PADI6: variants seen among roughly 807,000 people sequenced by gnomAD.
PADI6 encodes the protein peptidyl arginine deiminase 6.
In PADI6, 66 loss-of-function variants were observed where a neutral mutation model predicts 78.2. That is an observed-to-expected ratio of 0.84 (90% CI 0.69 to 1.04). The LOEUF is 1.04. PADI6 is among the 50% of genes least tolerant of loss of function. PADI6 has a pLI of 0.00. For missense variants in PADI6, 854 were observed against 866.1 expected, an observed-to-expected ratio of 0.99 and a Z score of 0.18; for synonymous variants, 397 against 346.9, an observed-to-expected ratio of 1.14 and a Z score of -1.60.
In PADI6 at chr1:17,373,243, A is replaced by G. The variant is rs1448716742; in HGVS notation, c.294+10A>G. 6.2e-7 allele frequency: 1 copy of G among 1,612,336 alleles called. No individual in the cohort carries two copies. The highest frequency in any genetic ancestry group is 8.5e-7 in the Non-Finnish European group (1 of 1,178,614). ...CGTGGATGCGGATAAGGTAAGCCTC[A>G]GGGGAAGAGGTGAGGGGCATCTCCC... On this transcript the variant is annotated intron_variant, in intron 2 of 15. Transcript: ENST00000619609.
intron 3 of PADI6, 62 bp from the exon 4 acceptor site, chr1:17,379,858 A>T: frequency 6.8e-7 from 1 of 1,481,114 alleles, no homozygotes; most frequent in Non-Finnish European, 9.4e-7. Context: ...GAGATAACCT[A>T]TAACTTTGAG....
intron 6 of PADI6, among the ~76,000 whole-genome samples, chr1:17,387,458 A>AGAG (rs2075131699): frequency 7.2e-6 from 1 of 138,292 alleles, no homozygotes; most frequent in East Asian, 2.2e-4. Flanking sequence ...AAAGAAAAGG[A>AGAG]GGGGGGGGGG....
chr1:17,392,153 G>C lies in PADI6; in HGVS notation c.1002G>C (p.Lys334Asn). 1 of 1,561,850 alleles carries C rather than the reference G, an allele frequency of 6.4e-7. No individual in the cohort carries two copies. The highest frequency in any genetic ancestry group is 1.2e-5 in the South Asian group (1 of 84,578). ...AGGGTTTTGTGGACACAGTGACGAA[G>C]CTGAGTGAGAAGAGCAACAGCCAGG... ...QLQGFVDTVT[K>N]LSEKSNSQVA... The change falls in exon 9 of 16, where the codon AAG (lysine) becomes AAC (asparagine). Residue 334 changes from lysine (K) to asparagine (N), a missense_variant. Coordinates refer to ENST00000619609, the MANE Select transcript of PADI6 (RefSeq NM_207421.4).
chr1:17,380,194 GTTTT>G (rs113168303), intron 4 of PADI6, among the ~76,000 whole-genome samples: 2 of 150,976 alleles, frequency 1.3e-5, no homozygotes, highest in Non-Finnish European at 3.0e-5. Flanking sequence ...GTATTTTTTT[GTTTT>G]TTTTTGTTTG....
intron 6 of PADI6, among the ~76,000 whole-genome samples, chr1:17,382,717 C>T (rs1002249928): frequency 6.6e-6 from 1 of 152,220 alleles, no homozygotes; most frequent in East Asian, 1.9e-4. Context: ...CTTGGCGTAC[C>T]TCTAAATCTC....
intron 3 of PADI6, among the ~76,000 whole-genome samples, chr1:17,378,383 C>T (rs978075406): frequency 2.6e-5 from 4 of 152,296 alleles, no homozygotes; most frequent in African/African-American, 9.6e-5. Context: ...ATCTGCTGGT[C>T]AGGTGCTGAT....
intron 11 of PADI6, among the ~76,000 whole-genome samples, chr1:17,394,674 C>T (rs1166215630): frequency 6.6e-6 from 1 of 151,992 alleles, no homozygotes; most frequent in Non-Finnish European, 1.5e-5. Context: ...AAATTTGGTC[C>T]ACCAGGATGT....
rs927886211 is a variant in PADI6, at chr1:17,391,751, G to A, written c.963-363G>A. 5.9e-5 allele frequency among the ~76,000 whole-genome samples: 9 copies of A among 152,358 alleles called. No individual in the cohort carries two copies. In the South Asian group the frequency reaches 1.2e-3, roughly 21 times the overall value. ...GACTCACTTGAACCCAGGAGGTGGA[G>A]GTTGCGGTGAGTCAGATCATGCCAC... On this transcript the variant is annotated intron_variant, in intron 8 of 15. Transcript: ENST00000619609.
intron 3 of PADI6, among the ~76,000 whole-genome samples, chr1:17,379,216 C>T (rs2075048893): frequency 6.8e-6 from 1 of 146,854 alleles, no homozygotes; most frequent in Non-Finnish European, 1.5e-5. Context: ...GGGGTTCACG[C>T]CATTCTCCTG....
intron 4 of PADI6, among the ~76,000 whole-genome samples, chr1:17,380,202 T>A (rs564712428): frequency 6.6e-6 from 1 of 152,204 alleles, no homozygotes; most frequent in East Asian, 1.9e-4. Flanking sequence ...TTGTTTTTTT[T>A]TGTTTGTTTG....
At chr1:17,379,202 C>T (rs983028063) in intron 3 of PADI6, among the ~76,000 whole-genome samples, 3 of 147,718 alleles carry the variant, frequency 2.0e-5, no homozygotes, top group Non-Finnish European at 4.4e-5. Context: ...AGGCTCCGCC[C>T]CCTGGGGTTC....
Position 17,392,113 on chromosome 1 carries a change from G to T in PADI6, c.963-1G>T. The T allele has an allele frequency of 6.4e-7, 1 of 1,554,820 alleles. No homozygotes were observed. The highest frequency in any genetic ancestry group is 1.2e-5 in the South Asian group (1 of 84,168). ...CAGAACTGGCTTCTCTCCCATGGCA[G>T]GGAGCTGCAGCTGCAGGGTTTTGTG... On this transcript the variant is annotated splice_acceptor_variant, in intron 8 of 15. Coordinates refer to ENST00000619609, the MANE Select transcript of PADI6 (RefSeq NM_207421.4). LOFTEE classifies it high-confidence loss of function.
intron 3 of PADI6, among the ~76,000 whole-genome samples, chr1:17,376,137 G>A (rs551955186): frequency 6.6e-6 from 1 of 152,020 alleles, no homozygotes; most frequent in South Asian, 2.1e-4. Context: ...ACCATGCCTG[G>A]CTAATTTTTA....
intron 4 of PADI6, 91 bp from the exon 5 acceptor site, chr1:17,380,956 C>T: frequency 9.2e-7 from 1 of 1,082,006 alleles, no homozygotes. Flanking sequence ...TGGAGAAAGG[C>T]TTGGCTGGGC....
At chr1:17,386,947 T>C (rs1265664900) in intron 6 of PADI6, among the ~76,000 whole-genome samples, 3 of 152,202 alleles carry the variant, frequency 2.0e-5, no homozygotes, top group Admixed American at 2.0e-4. Flanking sequence ...CTGAGGATGC[T>C]ACAGTTCCTG....
chr1:17,372,447 G>T (rs1422375145), intron 1 of PADI6, 86 bp downstream of exon 1: 6 of 1,273,156 alleles, frequency 4.7e-6, no homozygotes, highest in African/African-American at 4.4e-5. Context: ...GGAGTTGGGG[G>T]TTACTTCTCT....
chr1:17,398,743 G>A lies in PADI6; in HGVS notation c.1747G>A (p.Asp583Asn). ...GACGGAGCTGGGCCTGGTGGAACAG[G>A]ACATCATCGAGATTCCCCAGCTGTT... ...LKTELGLVEQ[D>N]IIEIPQLFCL... Residue 583 changes from aspartate to asparagine, a missense_variant, in exon 15 of 16, where the codon GAC becomes AAC. Coordinates refer to ENST00000619609, the MANE Select transcript of PADI6 (RefSeq NM_207421.4). The A allele has an allele frequency of 6.3e-7, 1 of 1,597,970 alleles. No homozygotes were observed. Among genetic ancestry groups the A allele is most frequent in the Non-Finnish European group, 8.5e-7 (1 of 1,172,554 alleles).
chr1:17,398,654 G>GCCCCCC lies in PADI6; in HGVS notation c.1690-26_1690-21dup. ...CCTGATGAGCTCTCCTTGCTCCCCC[G>GCCCCCC]CCCCCCCCCCCACCCACCCACCCAC... On this transcript the variant is annotated intron_variant, in intron 14 of 15. Coordinates refer to ENST00000619609, the MANE Select transcript of PADI6 (RefSeq NM_207421.4). 19 of 173,478 alleles carry GCCCCCC rather than the reference G, an allele frequency of 1.1e-4. 3 individuals carry two copies. Among genetic ancestry groups the GCCCCCC allele is most frequent in the South Asian group, 5.1e-4 (10 of 19,738 alleles). 10.7% of individuals were successfully genotyped at this position (173,478 alleles called of 1,614,324 possible).
chr1:17,384,183 T>C (rs972259896), intron 6 of PADI6, among the ~76,000 whole-genome samples: 4 of 150,394 alleles, frequency 2.7e-5, no homozygotes, highest in Non-Finnish European at 5.9e-5. Flanking sequence ...CAACACAGCA[T>C]GTTATGTTTT....
Sources: allele counts gnomAD v4.1 joint callset (sites outside exome capture counted in the v4.1 genomes callset), GRCh38; gene constraint gnomAD v4.1.1; transcripts MANE v1.5; gene names NCBI Gene and HGNC (gene_info 2026-07-23, HGNC 2026-07-21).